The following RPS10 variants were observed in gnomAD, a reference collection of about 807,000 sequenced individuals.
The protein encoded by RPS10 is ribosomal protein S10.
Under a neutral mutation model 22.6 loss-of-function variants are expected in RPS10, and 2 were observed. That is an observed-to-expected ratio of 0.09 (90% CI 0.04 to 0.28). The LOEUF is 0.28. Ranked by LOEUF, RPS10 falls within the 10% of genes least tolerant of loss-of-function variation. RPS10 has a pLI of 1.00. For missense variants in RPS10, 137 were observed against 222.2 expected (o/e 0.62, Z 2.44); for synonymous variants, 70 against 75.9 (o/e 0.92, Z 0.40).
intron 5 of RPS10, chr6:34,417,907 G>A (rs2113794555): frequency 2.8e-6 from 2 of 718,390 alleles, no homozygotes; most frequent in Admixed American, 2.0e-5. Flanking sequence ...CCTGCCATAG[G>A]ACAAAAATGA....
At chr6:34,424,939 C>G (rs1457262590) in intron 2 of RPS10, 99 bp from the exon 3 acceptor site, 3 of 1,606,546 alleles carry the variant, frequency 1.9e-6, no homozygotes, top group Non-Finnish European at 2.6e-6. Context: ...AGCAAGCAGC[C>G]CCCGCAGTCC....
At position 34,424,843 on chromosome 6, in the gene RPS10, G is replaced by A. The variant is rs757421136; in HGVS notation, c.151-3C>T. 1.2e-6 allele frequency: 2 copies of A among 1,613,726 alleles called. No homozygotes were observed. Among genetic ancestry groups the A allele is most frequent in the African/African-American group, 1.3e-5 (1 of 74,928 alleles). On this transcript the variant is annotated splice_polypyrimidine_tract_variant and splice_region_variant and intron_variant, in intron 2 of 5. Coordinates refer to ENST00000648437, the MANE Select transcript of RPS10 (RefSeq NM_001014.5). ...ACGTAGCCTCGGGACTTGAGAGACT[G>A]TAAGGCAGAAAACTACTGTTAAGGC...
intron 3 of RPS10, 36 bp downstream of exon 3, chr6:34,424,633 T>C (rs1765889595): frequency 2.5e-6 from 4 of 1,613,274 alleles, no homozygotes; most frequent in Non-Finnish European, 3.4e-6. Context: ...AGAAACTATC[T>C]TCAAATAGCT....
chr6:34,424,370 A>C (rs535994723), intron 3 of RPS10: 3 of 405,692 alleles, frequency 7.4e-6, no homozygotes, highest in Non-Finnish European at 1.4e-5. Flanking sequence ...CGGGAATAGT[A>C]CAACGCACTC....
chr6:34,425,544 A>T (rs1765928693), intron 1 of RPS10: 1 of 357,672 alleles, frequency 2.8e-6, no homozygotes, highest in African/African-American at 2.1e-5. Context: ...GTTGGAGGCC[A>T]TCAGCGACCG....
chr6:34,419,095 T>C (rs1444503260), intron 4 of RPS10, among the ~76,000 whole-genome samples: 4 of 151,960 alleles, frequency 2.6e-5, no homozygotes, highest in Non-Finnish European at 5.9e-5. Context: ...CTCGGCTCAC[T>C]GCAACCTCCG....
At chr6:34,419,041 T>C (rs1019047091) in intron 4 of RPS10, among the ~76,000 whole-genome samples, 1 of 152,108 alleles carries the variant, frequency 6.6e-6, no homozygotes, top group Non-Finnish European at 1.5e-5. Flanking sequence ...CGTTTGAGAC[T>C]GAATTTCGCT....
chr6:34,423,792 T>C (rs1356120164), intron 3 of RPS10, among the ~76,000 whole-genome samples: 2 of 152,038 alleles, frequency 1.3e-5, no homozygotes, highest in African/African-American at 4.8e-5. Context: ...TGAGACAGAA[T>C]TGATTGAACC....
intron 4 of RPS10, among the ~76,000 whole-genome samples, chr6:34,420,207 T>C (rs1427043596): frequency 3.9e-5 from 6 of 152,054 alleles, no homozygotes; most frequent in Admixed American, 1.3e-4. Flanking sequence ...ATAACGAATA[T>C]GGTTTCAGTA....
chr6:34,425,181 A>C lies in RPS10; in HGVS notation c.41T>G (p.Leu14Arg). The C allele has an allele frequency of 6.2e-7, 1 of 1,613,654 alleles. No homozygotes were observed. Among genetic ancestry groups the C allele is most frequent in the Non-Finnish European group, 8.5e-7 (1 of 1,179,872 alleles). ...CACCATGACTCCCTCCTTAAAAAGG[A>C]GTTCATAAATGGCAATCCGGTTCTT... Reference protein sequence around the residue: ...PKKNRIAIYELLFKEGVMVAK... With the variant: ...PKKNRIAIYERLFKEGVMVAK... Residue 14 changes from leucine (L) to arginine (R), a missense_variant, in exon 2 of 6, where the codon CTC becomes CGC. By Grantham distance (102) the Leu-to-Arg change is moderately radical (BLOSUM62 -2). Transcript: ENST00000648437.
chr6:34,421,867 C>T (rs1765781020), intron 3 of RPS10, 60 bp from the exon 4 acceptor site: 1 of 1,598,528 alleles, frequency 6.3e-7, no homozygotes, highest in Admixed American at 1.7e-5. Context: ...TCCCTTAAAG[C>T]CAAGAAAACT....
intron 4 of RPS10, among the ~76,000 whole-genome samples, chr6:34,420,983 G>C (rs1284971777): frequency 6.7e-6 from 1 of 150,338 alleles, no homozygotes; most frequent in Non-Finnish European, 1.5e-5. Flanking sequence ...ACTCCAGCCT[G>C]GGTGACAGAG....
chr6:34,424,525 AGCC>A, intron 3 of RPS10, 141 bp downstream of exon 3: 1 of 1,113,574 alleles, frequency 9.0e-7, no homozygotes, highest in South Asian at 1.4e-5. Flanking sequence ...CCAAGTCCCA[AGCC>A]ATGGGACAAA....
chr6:34,424,490 C>A (rs1765885050), intron 3 of RPS10, 179 bp downstream of exon 3: 2 of 742,998 alleles, frequency 2.7e-6, no homozygotes, highest in Admixed American at 2.5e-5. Context: ...CATGGATGGC[C>A]TGAAGAACTG....
At chr6:34,417,569 A>G in intron 5 of RPS10, 22 bp from the exon 6 acceptor site, 1 of 1,613,332 alleles carries the variant, frequency 6.2e-7, no homozygotes, top group Non-Finnish European at 8.5e-7. Context: ...AGCACATCAC[A>G]TCAGCATGAG....
Position 34,419,538 on chromosome 6 carries a change from C to G in RPS10, c.401-1114G>C, listed in dbSNP as rs534228199. Among the ~76,000 whole-genome samples the G allele has an allele frequency of 2.0e-5, 3 of 151,846 alleles. No homozygotes were observed. In the South Asian group the frequency reaches 6.2e-4, roughly 32 times the overall value. On this transcript the variant is annotated intron_variant, in intron 4 of 5. Coordinates refer to ENST00000648437, the MANE Select transcript of RPS10 (RefSeq NM_001014.5). ...ATACTGATTACATGTTAAATTAACA[C>G]GTTTAGATATTTTTTAAACCGATTT...
chr6:34,425,173 T>C lies in RPS10; in HGVS notation c.49A>G (p.Lys17Glu). ...NRIAIYELLF[K>E]EGVMVAKKDV... ...TTCTTGGCCACCATGACTCCCTCCTTAAAAAGGAGTTCATAAATGGCAATC... is the reference window on the plus strand; with the variant it reads ...TTCTTGGCCACCATGACTCCCTCCTCAAAAAGGAGTTCATAAATGGCAATC... The change falls in exon 2 of 6, where the codon AAG becomes GAG. Residue 17 changes from lysine to glutamate, a missense_variant. Coordinates refer to ENST00000648437, the MANE Select transcript of RPS10 (RefSeq NM_001014.5). The C allele has an allele frequency of 1.9e-6, 3 of 1,613,674 alleles. No homozygotes were observed. The highest frequency in any genetic ancestry group is 2.5e-6 in the Non-Finnish European group (3 of 1,179,918).
chr6:34,418,141 A>C, intron 5 of RPS10: 1 of 1,452,972 alleles, frequency 6.9e-7, no homozygotes, highest in Non-Finnish European at 9.1e-7. Context: ...AGAAAATACT[A>C]GTAGGCCACA....
Position 34,424,677 on chromosome 6 carries a change from C to T in RPS10, c.314G>A (p.Arg105Gln). Residue 105 changes from arginine to glutamine, a missense_variant, in exon 3 of 6, where the codon CGG becomes CAG. Arg to Gln is a conservative substitution (Grantham distance 43). Transcript: ENST00000648437. ...RRSRPETGRP[R>Q]PKGLEGERPA... ...TTGTGTGGGAACCATACCTTTAGGC[C>T]GAGGCCTGCCAGTCTCTGGACGGCT... 1 of 1,614,044 alleles carries T rather than the reference C, an allele frequency of 6.2e-7. No homozygotes were observed. Among genetic ancestry groups the T allele is most frequent in the Non-Finnish European group, 8.5e-7 (1 of 1,179,964 alleles).
Sources: allele counts gnomAD v4.1 joint callset (sites outside exome capture counted in the v4.1 genomes callset), GRCh38; gene constraint gnomAD v4.1.1; transcripts MANE v1.5; gene names NCBI Gene and HGNC (gene_info 2026-07-23, HGNC 2026-07-21).